Variants in TTC7A observed in about 807,000 individuals in gnomAD.
TTC7A encodes the protein tetratricopeptide repeat protein 7A.
TTC7A carries 110 observed loss-of-function variants against 103.7 expected under a neutral mutation model. The ratio of observed to expected loss-of-function variants is 1.06; its 90% CI spans 0.91 to 1.24. TTC7A has a LOEUF of 1.24. Among genes scored for constraint, TTC7A ranks in the 50% most tolerant of loss-of-function variants. TTC7A has a pLI of 0.00. For synonymous variants in TTC7A, 521 were observed against 467.9 expected, an observed-to-expected ratio of 1.11 and a Z score of -1.47; for missense variants, 1,340 against 1,116.3, an observed-to-expected ratio of 1.20 and a Z score of -2.86.
At chr2:47,029,157 A>G in intron 14 of TTC7A, 67 bp from the exon 15 acceptor site, 2 of 1,577,798 alleles carry the variant, frequency 1.3e-6, no homozygotes, top group East Asian at 4.5e-5. Flanking sequence ...GTTGACTGGC[A>G]CGTGGCTCCT....
chr2:47,008,431 A>C (rs1205576968), intron 10 of TTC7A, among the ~76,000 whole-genome samples: 1 of 152,332 alleles, frequency 6.6e-6, no homozygotes, highest in East Asian at 1.9e-4. Flanking sequence ...GGACTCAGAG[A>C]GATCCAGACA....
intron 18 of TTC7A, among the ~76,000 whole-genome samples, chr2:47,055,675 C>G (rs991061844): frequency 1.3e-5 from 2 of 152,162 alleles, no homozygotes; most frequent in Non-Finnish European, 2.9e-5. Context: ...TCCAAGGGCT[C>G]ATGGGTAGCT....
At chr2:46,939,062 A>C (rs998841478), upstream of TTC7A, among the ~76,000 whole-genome samples, 2 of 151,910 alleles carry the variant, frequency 1.3e-5, no homozygotes, top group Admixed American at 6.6e-5. Flanking sequence ...GACCGCTTGA[A>C]GCTGGGAGTT....
intron 3 of TTC7A, among the ~76,000 whole-genome samples, chr2:46,969,465 C>T (rs1673163091): frequency 6.6e-6 from 1 of 152,050 alleles, no homozygotes; most frequent in African/African-American, 2.4e-5. Flanking sequence ...CGAGATCGCG[C>T]CACTGCACTC....
chr2:47,059,088 C>T (rs1254008284), intron 18 of TTC7A, among the ~76,000 whole-genome samples: 2 of 138,924 alleles, frequency 1.4e-5, no homozygotes, highest in African/African-American at 2.8e-5. Flanking sequence ...GTGGCGCGAT[C>T]GCAGCTCACC....
chr2:47,011,452 G>T lies in TTC7A; in HGVS notation c.1392+17G>T. 1 of 1,595,394 alleles carries T rather than the reference G, an allele frequency of 6.3e-7. No homozygotes were observed. The highest frequency in any genetic ancestry group is 1.1e-5 in the South Asian group (1 of 90,040). ...CTTCGCTGGGTGAGTGAGCTGTGAG[G>T]GCAGGTCCCAGAGGCCTCCTGTGGG... On this transcript the variant is annotated intron_variant, in intron 11 of 19. Coordinates refer to ENST00000319190, the MANE Select transcript of TTC7A (RefSeq NM_020458.4).
At chr2:47,064,345 A>G (rs556435489) in intron 19 of TTC7A, among the ~76,000 whole-genome samples, 1 of 152,236 alleles carries the variant, frequency 6.6e-6, no homozygotes, top group Non-Finnish European at 1.5e-5. Context: ...GTGTGGTCCC[A>G]GACTTCTCTC....
intron 5 of TTC7A, among the ~76,000 whole-genome samples, chr2:46,983,296 G>A (rs1353435104): frequency 6.6e-6 from 1 of 152,202 alleles, no homozygotes; most frequent in African/African-American, 2.4e-5. Flanking sequence ...GGGGCACTGA[G>A]AAGCACAGCT....
chr2:46,940,428 C>T (rs368584244), upstream of TTC7A, among the ~76,000 whole-genome samples: 4 of 152,178 alleles, frequency 2.6e-5, no homozygotes, highest in Non-Finnish European at 4.4e-5. The surrounding 1 kb of genome is among the most constrained non-coding windows in gnomAD (Gnocchi z 4.7). Context: ...AGGTCTCCCC[C>T]CAAGGGTGGA....
At chr2:46,937,849 C>G (rs1288604396), upstream of TTC7A, among the ~76,000 whole-genome samples, 1 of 152,184 alleles carries the variant, frequency 6.6e-6, no homozygotes, top group African/African-American at 2.4e-5. This position sits in a 1 kb window ranked among gnomAD's most constrained non-coding sequence, Gnocchi z 4.0. Context: ...CCTGTGAAAG[C>G]AAAATGTGCT....
At chr2:47,060,669 A>G in intron 18 of TTC7A, 100 bp from the exon 19 acceptor site, 1 of 1,109,570 alleles carries the variant, frequency 9.0e-7, no homozygotes. Flanking sequence ...AGAGTTTGTC[A>G]CCTAAGACTA....
At chr2:46,916,226 G>C (rs1370145475) in exon 1 of TTC7A, 3 of 930,214 alleles carry the variant, frequency 3.2e-6, no homozygotes, top group Middle Eastern at 1.1e-3. Context: ...AAGATAATAG[G>C]AATGCTAATT....
At chr2:46,972,376 AG>A (rs972973232) in intron 3 of TTC7A, among the ~76,000 whole-genome samples, 1 of 152,222 alleles carries the variant, frequency 6.6e-6, no homozygotes, top group African/African-American at 2.4e-5. Context: ...GCAGTAAAAA[AG>A]CCCCATACAA....
intron 18 of TTC7A, among the ~76,000 whole-genome samples, chr2:47,059,271 T>G (rs1558639606): frequency 6.6e-6 from 1 of 151,992 alleles, no homozygotes; most frequent in Non-Finnish European, 1.5e-5. Context: ...TCTACCCGCC[T>G]TGGCCTCCCA....
intron 5 of TTC7A, among the ~76,000 whole-genome samples, chr2:46,984,563 T>C (rs932411946): frequency 3.3e-5 from 5 of 152,242 alleles, no homozygotes; most frequent in African/African-American, 1.2e-4. Context: ...CAGCCACCTC[T>C]AGGGGCTGCC....
chr2:47,000,211 C>A (rs1241729973), intron 8 of TTC7A, among the ~76,000 whole-genome samples: 2 of 150,240 alleles, frequency 1.3e-5, no homozygotes, highest in Non-Finnish European at 2.9e-5. Flanking sequence ...TGAAAATGTT[C>A]AGGTCTGATT....
At chr2:46,957,791 C>A (rs2104027058) in intron 3 of TTC7A, among the ~76,000 whole-genome samples, 1 of 152,342 alleles carries the variant, frequency 6.6e-6, no homozygotes, top group South Asian at 2.1e-4. Context: ...TCTGCCCAGC[C>A]TGCTGTCCGG....
chr2:47,046,491 C>A, intron 16 of TTC7A, 60 bp downstream of exon 16: 1 of 1,374,248 alleles, frequency 7.3e-7, no homozygotes, highest in Non-Finnish European at 1.0e-6. Flanking sequence ...CAACAATCCA[C>A]AGCTGGGTGG....
intron 15 of TTC7A, among the ~76,000 whole-genome samples, chr2:47,040,059 C>T (rs1246683049): frequency 6.6e-6 from 1 of 152,172 alleles, no homozygotes; most frequent in Non-Finnish European, 1.5e-5. Flanking sequence ...CGGCAGGTCC[C>T]AGTGGTTAGG....
Sources: allele counts gnomAD v4.1 joint callset (sites outside exome capture counted in the v4.1 genomes callset), GRCh38; gene constraint gnomAD v4.1.1; non-coding constraint Gnocchi (gnomAD v3.1); transcripts MANE v1.5; gene names NCBI Gene and HGNC (gene_info 2026-07-23, HGNC 2026-07-21).